The following GPM6B variants were observed in gnomAD, a reference collection of about 807,000 sequenced individuals.
The protein encoded by GPM6B is neuronal membrane glycoprotein M6-b.
GPM6B carries 4 observed loss-of-function variants against 27.2 expected under a neutral mutation model. The observed-to-expected ratio is 0.15, with a 90% CI of 0.07 to 0.34. GPM6B has a LOEUF of 0.34. Ranked by LOEUF, GPM6B falls within the 10% of genes least tolerant of loss-of-function variation. GPM6B has a pLI of 1.00. For missense variants in GPM6B, 183 were observed against 261.9 expected (o/e 0.70, Z 2.08); for synonymous variants, 124 against 103.1 (o/e 1.20, Z -1.23).
At chrX:13,908,940 AT>A (rs760138237) in intron 1 of GPM6B, among the ~76,000 whole-genome samples, 17 of 111,740 alleles carry the variant, frequency 1.5e-4, no homozygotes, top group African/African-American at 4.9e-4. Context: ...GAACAAAAAA[AT>A]ATTATATTCC....
At chrX:13,886,223 CAG>C (rs1190457874) in intron 1 of GPM6B, among the ~76,000 whole-genome samples, 2 of 111,774 alleles carry the variant, frequency 1.8e-5, no homozygotes, top group African/African-American at 6.5e-5. Flanking sequence ...GCTAATGAAT[CAG>C]AAAGCAAAAT....
Position 13,777,380 on chromosome X carries a change from G to T in GPM6B, c.743C>A (p.Ala248Asp). Residue 248 changes from alanine (A) to aspartate (D), a missense_variant, in exon 6 of 8, where the codon GCC becomes GAC. Transcript: ENST00000316715. Reference sequence around the variant, plus strand: ...GTTTGTGTTGCAGATGTTCTCCAGGGCAGAGCCACATATTTTTCCGGGGAA... The same window carrying T: ...GTTTGTGTTGCAGATGTTCTCCAGGTCAGAGCCACATATTTTTCCGGGGAA... Reference protein sequence around the residue: ...NAFPGKICGSALENICNTNEF... With the variant: ...NAFPGKICGSDLENICNTNEF... 4 of 1,205,622 alleles carry T rather than the reference G, an allele frequency of 3.3e-6. No individual in the cohort carries two copies. The highest frequency in any genetic ancestry group is 3.4e-6 in the Non-Finnish European group (3 of 889,879).
chrX:13,928,569 T>C (rs1352846835), intron 1 of GPM6B, among the ~76,000 whole-genome samples: 3 of 112,461 alleles, frequency 2.7e-5, no homozygotes, highest in Admixed American at 9.4e-5. Context: ...AAGGAAAATA[T>C]AAAGTACTGC....
In GPM6B at chrX:13,771,800, T is replaced by G. The variant is rs1052091755; in HGVS notation, c.*1081A>C. On this transcript the variant is annotated 3_prime_UTR_variant, in exon 8 of 8. Coordinates refer to ENST00000316715, the MANE Select transcript of GPM6B (RefSeq NM_001001995.3). ...GCAGTTCTCTTGCTGAACATCAAAC[T>G]TTATTATTCCAGGAAACTAAGATTT... The G allele has an allele frequency of 2.6e-4, 29 of 112,334 alleles. No homozygotes were observed. Among genetic ancestry groups the G allele is most frequent in the African/African-American group, 8.8e-4 (27 of 30,827 alleles). 9.3% of individuals were successfully genotyped at this position (112,334 alleles called of 1,213,427 possible). A position where few individuals can be genotyped will look rare whatever the true frequency, so the allele number is the denominator to read the frequency against.
intron 1 of GPM6B, among the ~76,000 whole-genome samples, chrX:13,810,744 T>TAAAAAAA: frequency 1.2e-5 from 1 of 80,681 alleles, no homozygotes; most frequent in Non-Finnish European, 2.5e-5. Flanking sequence ...ATTCAGGATT[T>TAAAAAAA]AAAAAAAAAA....
At position 13,877,824 on chromosome X, in the gene GPM6B, C is replaced by CAAAAAAAAAAAAAAAAA. The variant is rs761891419; in HGVS notation, c.-198+60486_-198+60502dup. On this transcript the variant is annotated intron_variant, in intron 1 of 6. Coordinates refer to the GPM6B transcript ENST00000398361. ...CCTGGGCATTAGAGCCAGACTCTGC[C>CAAAAAAAAAAAAAAAAA]AAAAAAAAAAAAAAAAAAAAAAAAA... Among the ~76,000 whole-genome samples, 42 of 27,466 alleles carry CAAAAAAAAAAAAAAAAA rather than the reference C, an allele frequency of 1.5e-3. 5 individuals carry two copies. Among genetic ancestry groups the CAAAAAAAAAAAAAAAAA allele is most frequent in the Admixed American group, 3.2e-3 (4 of 1,238 alleles). The allele number at this position is 27,466 out of a possible 115,157, so 23.9% of individuals were successfully genotyped here. A position where few individuals can be genotyped will look rare whatever the true frequency, so the allele number is the denominator to read the frequency against.
At chrX:13,817,174 G>C (rs1017033697), upstream of GPM6B, 6 of 912,551 alleles carry the variant, frequency 6.6e-6, no homozygotes, top group Admixed American at 2.3e-4. Context: ...ACAGCCATTC[G>C]GCGCCCGGTG....
upstream of GPM6B, chrX:13,938,431 C>T (rs1216248654): frequency 1.2e-5 from 6 of 519,663 alleles, no homozygotes; most frequent in African/African-American, 9.7e-5. Flanking sequence ...AGGGGCGGGA[C>T]CCTCGGAAGG....
At chrX:13,792,099 C>T (rs772497367) in intron 2 of GPM6B, among the ~76,000 whole-genome samples, 1 of 112,184 alleles carries the variant, frequency 8.9e-6, no homozygotes, top group African/African-American at 3.2e-5. Flanking sequence ...AGAGAAGCAG[C>T]AGTGAATGTC....
chrX:13,919,436 T>A (rs894579055), intron 1 of GPM6B, among the ~76,000 whole-genome samples: 1 of 112,196 alleles, frequency 8.9e-6, no homozygotes, highest in Non-Finnish European at 1.9e-5. Flanking sequence ...ACCTGTAGTA[T>A]GTGAGATTAT....
At chrX:13,774,606 T>C (rs766695171) in intron 7 of GPM6B, 1 of 1,206,549 alleles carries the variant, frequency 8.3e-7, no homozygotes, top group Non-Finnish European at 1.1e-6. Context: ...TTATATGTAG[T>C]AGCCATCATG....
At chrX:13,792,286 G>A (rs1240144071) in intron 2 of GPM6B, among the ~76,000 whole-genome samples, 1 of 111,691 alleles carries the variant, frequency 9.0e-6, no homozygotes, top group Non-Finnish European at 1.9e-5. Flanking sequence ...AACACCCACA[G>A]TGTACAGAAT....
At chrX:13,813,372 T>C (rs2049174917) in intron 1 of GPM6B, among the ~76,000 whole-genome samples, 1 of 111,929 alleles carries the variant, frequency 8.9e-6, no homozygotes, top group African/African-American at 3.2e-5. Context: ...ATTTCTTACT[T>C]TGACTATATC....
intron 1 of GPM6B, among the ~76,000 whole-genome samples, chrX:13,888,097 C>T (rs757514110): frequency 7.1e-5 from 8 of 112,305 alleles, no homozygotes; most frequent in Non-Finnish European, 1.3e-4. Flanking sequence ...CAGTACCCAA[C>T]TATTTTTCAG....
intron 1 of GPM6B, among the ~76,000 whole-genome samples, chrX:13,886,719 T>TAAAAAAAAAAAAAAACAAAAAAAAAA (rs2050139147): frequency 2.8e-5 from 1 of 35,106 alleles, no homozygotes; most frequent in Non-Finnish European, 4.0e-5. Flanking sequence ...AAGTCACTAC[T>TAAAAAAAAAAAAAAACAAAAAAAAAA]AAAAAAAAAA....
intron 1 of GPM6B, among the ~76,000 whole-genome samples, chrX:13,937,939 T>A (rs940931674): frequency 4.5e-5 from 5 of 111,287 alleles, no homozygotes; most frequent in Non-Finnish European, 7.5e-5. Context: ...TCAGCCTCCG[T>A]CCCATGCTGT....
upstream of GPM6B, chrX:13,817,279 C>T (rs2049255574): frequency 1.3e-6 from 1 of 796,531 alleles, no homozygotes; most frequent in Non-Finnish European, 1.5e-6. Context: ...TCCTTGCTCT[C>T]TTTCTTAAGA....
At chrX:13,774,098 A>G in intron 7 of GPM6B, 8 of 753,685 alleles carry the variant, frequency 1.1e-5, no homozygotes, top group Non-Finnish European at 1.3e-5. Flanking sequence ...TTTGCAAAGT[A>G]TTTTCCAGGT....
At chrX:13,776,139 A>G (rs1027713864) in intron 7 of GPM6B, 99 bp downstream of exon 7, 1 of 663,070 alleles carries the variant, frequency 1.5e-6, no homozygotes, top group Non-Finnish European at 2.4e-6. Flanking sequence ...TGCCAGAATC[A>G]TTGGCTTCAA....
Sources: gnomAD v4.1 joint callset for allele counts (sites outside exome capture counted in the v4.1 genomes callset) on GRCh38, gnomAD v4.1.1 for gene constraint, MANE v1.5 for transcripts, NCBI Gene and HGNC (gene_info 2026-07-23, HGNC 2026-07-21) for gene names.